Variants in SYNE1 observed in about 807,000 individuals in gnomAD.
SYNE1 encodes spectrin repeat containing nuclear envelope protein 1, also known as nesprin-1.
In SYNE1, 616 loss-of-function variants were observed where a neutral mutation model predicts 1,111.0. The observed-to-expected ratio is 0.55, with a 90% CI of 0.52 to 0.59. The LOEUF (loss-of-function observed/expected upper bound fraction) is 0.59. Ranked by LOEUF, SYNE1 falls within the 20% of genes least tolerant of loss-of-function variation. SYNE1 has a pLI of 0.00. For synonymous variants in SYNE1, 3,855 were observed against 3,825.8 expected, an observed-to-expected ratio of 1.01 and a Z score of -0.28; for missense variants, 10,006 against 10,417.0, an observed-to-expected ratio of 0.96 and a Z score of 1.72.
chr6:152,241,333 A>C (rs549841584), intron 107 of SYNE1, among the ~76,000 whole-genome samples: 54 of 131,964 alleles, frequency 4.1e-4, no homozygotes, highest in East Asian at 4.5e-4. Flanking sequence ...GACAAAAAAA[A>C]CCCACCTTTA....
intron 133 of SYNE1, among the ~76,000 whole-genome samples, 176 bp from the exon 134 acceptor site, chr6:152,152,317 C>T (rs1474249647): frequency 6.6e-6 from 1 of 151,844 alleles, no homozygotes; most frequent in Non-Finnish European, 1.5e-5. Flanking sequence ...ATCTAGTCAG[C>T]GTAACTTAAA....
chr6:152,634,691 C>A (rs1260022459), intron 2 of SYNE1, among the ~76,000 whole-genome samples: 3 of 152,168 alleles, frequency 2.0e-5, no homozygotes, highest in Non-Finnish European at 4.4e-5. Flanking sequence ...AAGCAAAAGA[C>A]AAAGTGTATA....
In SYNE1 at chr6:152,310,765, C is replaced by T. The variant is rs746169117; in HGVS notation, c.16819G>A (p.Ala5607Thr). ...YCTEKMSQQVAELGRETEELR... is the reference protein window; with the variant it reads ...YCTEKMSQQVTELGRETEELR... ...TCCTCAGTCTCCCGTCCCAGTTCTG[C>T]CACTTGCTGAGACATTTTTTCTGTA... Residue 5607 changes from alanine to threonine, a missense_variant, in exon 88 of 146, where the codon GCA (alanine) becomes ACA (threonine). By Grantham distance (58) the Ala-to-Thr change is moderately conservative. This residue lies in a region of SYNE1 where 4,955 missense variants were observed against 5,017.2 expected (regional missense o/e 0.99). Coordinates refer to ENST00000367255, the MANE Select transcript of SYNE1 (RefSeq NM_182961.4). 1.9e-6 allele frequency: 3 copies of T among 1,614,030 alleles called. No individual in the cohort carries two copies. Among genetic ancestry groups the T allele is most frequent in the South Asian group, 2.2e-5 (2 of 91,076 alleles).
At chr6:152,216,116 T>A (rs1006023098) in intron 121 of SYNE1, among the ~76,000 whole-genome samples, 4 of 152,222 alleles carry the variant, frequency 2.6e-5, no homozygotes, top group Non-Finnish European at 5.9e-5. Context: ...TGGCTATGTG[T>A]GTGTCTTCTC....
At chr6:152,217,919 A>C (rs1408461) in intron 121 of SYNE1, among the ~76,000 whole-genome samples, 76,732 of 151,812 alleles carry the variant, frequency 0.51, 20,083 homozygotes, top group East Asian at 0.74. Context: ...TTTGAGTTTC[A>C]CTTAAGATTT....
chr6:152,165,208 T>C (rs2063403433), intron 130 of SYNE1, among the ~76,000 whole-genome samples: 1 of 152,196 alleles, frequency 6.6e-6, no homozygotes, highest in Admixed American at 6.5e-5. Context: ...GTGGTTCTGA[T>C]ACGTTTCTCT....
intron 138 of SYNE1, among the ~76,000 whole-genome samples, chr6:152,142,640 G>A (rs1040158190): frequency 6.6e-6 from 1 of 152,160 alleles, no homozygotes; most frequent in African/African-American, 2.4e-5. Context: ...ACTTTTGATT[G>A]AGGTTAAGTG....
intron 91 of SYNE1, among the ~76,000 whole-genome samples, chr6:152,303,484 T>G (rs2095272887): frequency 6.6e-6 from 1 of 151,602 alleles, no homozygotes. Flanking sequence ...TACATACACA[T>G]ACATTCATAT....
chr6:152,232,709 G>A (rs556005223), intron 112 of SYNE1, among the ~76,000 whole-genome samples: 1 of 152,222 alleles, frequency 6.6e-6, no homozygotes, highest in African/African-American at 2.4e-5. Flanking sequence ...TAGAGTTTTT[G>A]GCACTCTAAT....
intron 3 of SYNE1, among the ~76,000 whole-genome samples, chr6:152,588,428 T>A (rs2099547293): frequency 1.3e-5 from 2 of 152,238 alleles, no homozygotes; most frequent in African/African-American, 4.8e-5. Flanking sequence ...AACTATTCTA[T>A]TAAAAGTTCT....
Position 152,380,988 on chromosome 6 carries a change from A to G in SYNE1, c.9009+18T>C, listed in dbSNP as rs1205695019. The stretch of plus-strand genomic sequence containing the variant: ...TTTTAAAGCATAACCACCAATAGAA[A>G]ACAGGAAGCCAACTTACTTGTCCTT... On this transcript the variant is annotated intron_variant, in intron 56 of 145. Coordinates refer to ENST00000367255, the MANE Select transcript of SYNE1 (RefSeq NM_182961.4). 6.2e-7 allele frequency: 1 copy of G among 1,612,294 alleles called. No individual in the cohort carries two copies. The highest frequency in any genetic ancestry group is 2.2e-5 in the East Asian group (1 of 44,870).
chr6:152,345,056 C>T (rs960343858), intron 73 of SYNE1, among the ~76,000 whole-genome samples: 1 of 152,142 alleles, frequency 6.6e-6, no homozygotes, highest in Non-Finnish European at 1.5e-5. Context: ...TTTCGTCTGA[C>T]ATTGGGTTTA....
chr6:152,395,689 C>A lies in SYNE1; in HGVS notation c.7557-18G>T, dbSNP rs2097720850. ...CTTCAAAGCTAAGGGAAAGAAAATG[C>A]CTTAGAGAAATTCTTACATGCTTGT... On this transcript the variant is annotated intron_variant, in intron 50 of 145. Transcript: ENST00000367255. 3 of 1,613,710 alleles carry A rather than the reference C, an allele frequency of 1.9e-6. No homozygotes were observed. Among genetic ancestry groups the A allele is most frequent in the Non-Finnish European group, 2.5e-6 (3 of 1,179,772 alleles).
rs756232172 is a variant in SYNE1 at position 152,391,580 on chromosome 6, GAA to G, written c.7713-14_7713-13del. 741 of 1,332,446 alleles carry G rather than the reference GAA, an allele frequency of 5.6e-4. No individual in the cohort carries two copies. The highest frequency in any genetic ancestry group is 2.2e-3 in the Admixed American group (92 of 41,750). The allele number at this position is 1,332,446 out of a possible 1,614,324, so 82.5% of individuals were successfully genotyped here. ...TATCAAGAGACTCTCTGAAAAAAAG[GAA>G]AAAAAAAAAAAAGAAAAAAAATTAA... On this transcript the variant is annotated splice_polypyrimidine_tract_variant and intron_variant, in intron 51 of 145. Transcript: ENST00000367255.
intron 5 of SYNE1, among the ~76,000 whole-genome samples, chr6:152,522,410 T>C (rs2099144065): frequency 6.6e-6 from 1 of 152,124 alleles, no homozygotes; most frequent in Non-Finnish European, 1.5e-5. Flanking sequence ...TATGACTGAG[T>C]AGTATTCCAT....
intron 3 of SYNE1, among the ~76,000 whole-genome samples, chr6:152,619,725 C>G (rs891950985): frequency 2.6e-5 from 4 of 151,978 alleles, no homozygotes; most frequent in African/African-American, 9.7e-5. Context: ...CACTGAGAGG[C>G]GGGGCAGTGA....
chr6:152,446,106 C>T, intron 29 of SYNE1, among the ~76,000 whole-genome samples: 1 of 129,192 alleles, frequency 7.7e-6, no homozygotes, highest in Admixed American at 7.9e-5. Context: ...TAAAGACAGT[C>T]AATTTTTTTT....
At chr6:152,586,444 T>G (rs2099539242) in intron 3 of SYNE1, among the ~76,000 whole-genome samples, 1 of 152,224 alleles carries the variant, frequency 6.6e-6, no homozygotes, top group South Asian at 2.1e-4. Context: ...ATTCTCTTGC[T>G]GTTTTTTAAC....
intron 4 of SYNE1, among the ~76,000 whole-genome samples, chr6:152,526,755 T>A (rs896990035): frequency 6.6e-6 from 1 of 152,198 alleles, no homozygotes; most frequent in Non-Finnish European, 1.5e-5. Context: ...TACAGCCTGG[T>A]GAATCTAGCG....
Sources: gnomAD v4.1 joint callset for allele counts (sites outside exome capture counted in the v4.1 genomes callset) on GRCh38, gnomAD v4.1.1 for gene constraint, gnomAD v4.1.1 regional missense constraint, MANE v1.5 for transcripts, NCBI Gene and HGNC (gene_info 2026-07-23, HGNC 2026-07-21) for gene names.